Variants in ABCC2 observed in about 807,000 individuals in gnomAD.
The protein encoded by ABCC2 is ATP binding cassette subfamily C member 2.
A neutral mutation model predicts 173.4 loss-of-function variants in ABCC2; 157 were observed. That is an observed-to-expected ratio of 0.91 (90% confidence interval 0.80 to 1.03). ABCC2 has a LOEUF of 1.03. Ranked by LOEUF, ABCC2 falls within the 50% of genes least tolerant of loss-of-function variation. The probability of loss-of-function intolerance (pLI) is 0.00; values close to 1 mark genes in which losing one functional copy is unlikely to be tolerated. For synonymous variants in ABCC2, 657 were observed against 693.5 expected, an observed-to-expected ratio of 0.95 and a Z score of 0.83; for missense variants, 1,822 against 1,852.3, an observed-to-expected ratio of 0.98 and a Z score of 0.30.
At chr10:99,834,621 C>T in intron 24 of ABCC2, 86 bp downstream of exon 24, 1 of 1,481,498 alleles carries the variant, frequency 6.7e-7, no homozygotes, top group Non-Finnish European at 9.4e-7. Flanking sequence ...CTCTCTGATT[C>T]ATTGCTAGTC....
chr10:99,812,187 C>CT (rs2038227556), intron 15 of ABCC2, among the ~76,000 whole-genome samples: 1 of 152,220 alleles, frequency 6.6e-6, no homozygotes, highest in Non-Finnish European at 1.5e-5. Context: ...TCCCACTCCT[C>CT]TATCTTGTTC....
rs746609972 is a variant in ABCC2 at position 99,845,609 on chromosome 10, G to C, written c.3988-15G>C. The C allele has an allele frequency of 1.9e-6, 3 of 1,613,868 alleles. No homozygotes were observed. In the East Asian group the frequency reaches 6.7e-5, roughly 36 times the overall value. On this transcript the variant is annotated splice_polypyrimidine_tract_variant and intron_variant, in intron 28 of 31. Coordinates refer to ENST00000647814, the MANE Select transcript of ABCC2 (RefSeq NM_000392.5). ...TTATTTGTGGAACTAATGTGTAAGGGAACTATATTCGCAGATTGGTGTGGT... is the reference window on the plus strand; with the variant it reads ...TTATTTGTGGAACTAATGTGTAAGGCAACTATATTCGCAGATTGGTGTGGT...
chr10:99,810,158 G>T lies in ABCC2; in HGVS notation c.1840G>T (p.Glu614Ter). ...LQASVSTERL[E>*]KYLGGDDLDT... Reference sequence around the variant, plus strand: ...GGCCAGTGTTTCCACAGAGCGGCTAGAGAAGTACTTGGGAGGGGATGACTT... The same window carrying T: ...GGCCAGTGTTTCCACAGAGCGGCTATAGAAGTACTTGGGAGGGGATGACTT... The change falls in exon 14 of 32, where the codon GAG (glutamate) becomes TAG (stop). Residue 614 changes from glutamate (E) to a stop codon, truncating the protein, a stop_gained. Coordinates refer to ENST00000647814, the MANE Select transcript of ABCC2 (RefSeq NM_000392.5). LOFTEE classifies it high-confidence loss of function. 3.1e-6 allele frequency: 5 copies of T among 1,612,930 alleles called. No homozygotes were observed. The highest frequency in any genetic ancestry group is 4.2e-6 in the Non-Finnish European group (5 of 1,179,544).
At chr10:99,787,162 A>AAG (rs1327195023) in intron 2 of ABCC2, among the ~76,000 whole-genome samples, 5 of 151,816 alleles carry the variant, frequency 3.3e-5, no homozygotes, top group Non-Finnish European at 4.4e-5. Flanking sequence ...TCTCAAAAAA[A>AAG]AAAAAAATGC....
intron 4 of ABCC2, 50 bp from the exon 5 acceptor site, chr10:99,793,842 C>T: frequency 6.3e-7 from 1 of 1,579,636 alleles, no homozygotes; most frequent in Non-Finnish European, 8.7e-7. Context: ...GCCATGTAGA[C>T]TTCCTTTGGA....
chr10:99,824,687 A>C (rs2038597825), intron 19 of ABCC2, among the ~76,000 whole-genome samples: 1 of 152,258 alleles, frequency 6.6e-6, no homozygotes, highest in Non-Finnish European at 1.5e-5. Context: ...AATCCTTTAG[A>C]TCAATTATAA....
intron 8 of ABCC2, among the ~76,000 whole-genome samples, chr10:99,800,038 CA>C (rs1006148571): frequency 5.3e-5 from 8 of 152,094 alleles, no homozygotes; most frequent in African/African-American, 1.9e-4. Context: ...CCCATCTCTA[CA>C]AAAGAAAATA....
intron 30 of ABCC2, among the ~76,000 whole-genome samples, chr10:99,847,600 C>T (rs560075650): frequency 5.6e-4 from 78 of 138,964 alleles, no homozygotes; most frequent in Middle Eastern, 4.3e-3. Flanking sequence ...AAGACTCCGT[C>T]TAAAAAAAAA....
Position 99,814,577 on chromosome 10 carries a change from A to G in ABCC2, c.2094+1433A>G, listed in dbSNP as rs868265101. On this transcript the variant is annotated intron_variant, in intron 16 of 31. Coordinates refer to ENST00000647814, the MANE Select transcript of ABCC2 (RefSeq NM_000392.5). ...TGTATATACACATATACACACACAT[A>G]TGTGTATATACACATATACACACAC... is the stretch of plus-strand genomic sequence containing the variant. Among the ~76,000 whole-genome samples the G allele has an allele frequency of 1.4e-4, 15 of 106,224 alleles. 2 individuals carry two copies. The highest frequency in any genetic ancestry group is 2.9e-4 in the African/African-American group (9 of 31,036). The allele number at this position is 106,224 out of a possible 152,430, so 69.7% of individuals were successfully genotyped here.
chr10:99,786,635 G>A (rs1229994101), intron 2 of ABCC2, among the ~76,000 whole-genome samples: 2 of 152,226 alleles, frequency 1.3e-5, no homozygotes, highest in African/African-American at 4.8e-5. Flanking sequence ...GGGAGGCCGA[G>A]GTGGGTGGAT....
intron 16 of ABCC2, among the ~76,000 whole-genome samples, chr10:99,814,126 T>C (rs1188661524): frequency 3.2e-5 from 4 of 123,148 alleles, no homozygotes; most frequent in South Asian, 2.7e-4. Context: ...TATACACACA[T>C]ATGTGTGTAT....
intron 30 of ABCC2, among the ~76,000 whole-genome samples, chr10:99,850,191 C>T (rs992505179): frequency 1.3e-4 from 20 of 152,206 alleles, no homozygotes; most frequent in African/African-American, 4.1e-4. Flanking sequence ...ATGCTGCTAA[C>T]GTAAACTTGG....
At position 99,782,783 on chromosome 10, in the gene ABCC2, A is replaced by G. The variant is rs1170531772; in HGVS notation, c.-62A>G. ...TCCACTTTCTTTGATGAAACAAGTA[A>G]AGAAGAAACAACACAATCATATTAA... is the stretch of plus-strand genomic sequence containing the variant. On this transcript the variant is annotated 5_prime_UTR_variant, in exon 1 of 32. Coordinates refer to ENST00000647814, the MANE Select transcript of ABCC2 (RefSeq NM_000392.5). The G allele has an allele frequency of 3.8e-6, 6 of 1,569,252 alleles. No individual in the cohort carries two copies. The highest frequency in any genetic ancestry group is 8.8e-7 in the Non-Finnish European group (1 of 1,139,340).
At chr10:99,822,162 A>C (rs2038550533) in intron 19 of ABCC2, among the ~76,000 whole-genome samples, 1 of 152,236 alleles carries the variant, frequency 6.6e-6, no homozygotes, top group African/African-American at 2.4e-5. Context: ...GGAAAGGCAC[A>C]TAGGCCCAGT....
At chr10:99,846,855 G>A in intron 29 of ABCC2, 106 bp from the exon 30 acceptor site, 3 of 1,474,064 alleles carry the variant, frequency 2.0e-6, no homozygotes, top group Non-Finnish European at 2.8e-6. Context: ...TCCTGCCTCA[G>A]GAATCCATCT....
At chr10:99,790,209 A>G (rs951527604) in intron 2 of ABCC2, among the ~76,000 whole-genome samples, 3 of 152,234 alleles carry the variant, frequency 2.0e-5, no homozygotes, top group Non-Finnish European at 4.4e-5. Context: ...GGTCTCATCA[A>G]CTTTGTATCA....
At chr10:99,800,680 A>G (rs2038002437) in intron 9 of ABCC2, 117 bp downstream of exon 9, 3 of 1,177,790 alleles carry the variant, frequency 2.5e-6, no homozygotes, top group African/African-American at 1.5e-5. Context: ...CTTAATGTTG[A>G]CTGGCCATAC....
At chr10:99,819,975 G>A (rs187495294) in intron 19 of ABCC2, among the ~76,000 whole-genome samples, 37 of 152,344 alleles carry the variant, frequency 2.4e-4, no homozygotes, top group African/African-American at 7.9e-4. Flanking sequence ...AGTTCAGGTC[G>A]AGAAAGCCAG....
At chr10:99,795,793 A>T (rs761220096) in intron 6 of ABCC2, among the ~76,000 whole-genome samples, 31,502 of 102,342 alleles carry the variant, frequency 0.31, 4,486 homozygotes, top group Middle Eastern at 0.33. Flanking sequence ...GAAAGAAAGA[A>T]AGAAAGAAAG....
Sources: allele counts gnomAD v4.1 joint callset (sites outside exome capture counted in the v4.1 genomes callset), GRCh38; gene constraint gnomAD v4.1.1; transcripts MANE v1.5; gene names NCBI Gene and HGNC (gene_info 2026-07-23, HGNC 2026-07-21).